SPIN1: variants seen among roughly 807,000 people sequenced by gnomAD.
SPIN1 encodes the protein spindlin-1.
SPIN1 carries 3 observed loss-of-function variants against 26.0 expected under a neutral mutation model. The observed-to-expected ratio is 0.12, with a 90% CI of 0.05 to 0.30. The LOEUF (loss-of-function observed/expected upper bound fraction) is 0.30, where lower values mean the gene tolerates loss of function less well. SPIN1 is among the 10% of genes least tolerant of loss of function. The pLI is 1.00. For missense variants in SPIN1, 126 were observed against 333.4 expected (o/e 0.38, Z 4.84); for synonymous variants, 101 against 116.5 (o/e 0.87, Z 0.86).
Position 88,463,066 on chromosome 9 carries a change from A to G in SPIN1, c.355+317A>G, listed in dbSNP as rs192848975. On this transcript the variant is annotated intron_variant, in intron 4 of 5. Transcript: ENST00000375859. ...AGGTTATCAGTAGCTGAAATATCCTATATGTTAATCTCATCTCATCAGATA... is the reference window on the plus strand; with the variant it reads ...AGGTTATCAGTAGCTGAAATATCCTGTATGTTAATCTCATCTCATCAGATA... 5.8e-4 allele frequency among the ~76,000 whole-genome samples: 88 copies of G among 152,212 alleles called. 1 individual carries two copies. Among genetic ancestry groups the G allele is most frequent in the African/African-American group, 2.0e-3 (85 of 41,568 alleles).
At chr9:88,406,128 C>T (rs906652816) in intron 1 of SPIN1, among the ~76,000 whole-genome samples, 3 of 151,856 alleles carry the variant, frequency 2.0e-5, no homozygotes, top group Admixed American at 6.6e-5. Flanking sequence ...ACCTTGGCCT[C>T]CCAGAGTGCT....
At chr9:88,423,857 C>G (rs1250091738) in intron 1 of SPIN1, among the ~76,000 whole-genome samples, 3 of 151,994 alleles carry the variant, frequency 2.0e-5, no homozygotes, top group Non-Finnish European at 4.4e-5. Flanking sequence ...CCTCTGCCTC[C>G]TGGGTTCAAG....
chr9:88,478,661 C>A lies in SPIN1; in HGVS notation c.*3384C>A. 6.6e-6 allele frequency: 1 copy of A among 152,218 alleles called. No individual in the cohort carries two copies. Among genetic ancestry groups the A allele is most frequent in the Middle Eastern group, 3.4e-3 (1 of 294 alleles). The allele number at this position is 152,218 out of a possible 1,614,324, so 9.4% of individuals were successfully genotyped here. ...AATTATGATGTAACTCTATCTTATC[C>A]TTAAAACATTTAAAATAAACCCTTT... On this transcript the variant is annotated 3_prime_UTR_variant, in exon 6 of 6. Transcript: ENST00000375859.
chr9:88,413,350 A>G (rs958919606), intron 1 of SPIN1, among the ~76,000 whole-genome samples: 3 of 149,648 alleles, frequency 2.0e-5, no homozygotes, highest in African/African-American at 7.4e-5. Flanking sequence ...TTGGGATTAC[A>G]GGTGTGAGCC....
At chr9:88,411,223 G>C in intron 1 of SPIN1, 4 of 1,177,014 alleles carry the variant, frequency 3.4e-6, no homozygotes, top group Non-Finnish European at 5.0e-6. Context: ...CAAGTCTTCT[G>C]TTCACCTTGT....
At position 88,475,343 on chromosome 9, in the gene SPIN1, T is replaced by A; in HGVS notation, c.*66T>A. On this transcript the variant is annotated 3_prime_UTR_variant, in exon 6 of 6. Coordinates refer to ENST00000375859, the MANE Select transcript of SPIN1 (RefSeq NM_006717.3). Reference sequence around the variant, plus strand: ...TGTATTATTTGTAGACATAAAGACTTGATTGCTTTCCAGTTTAATGAAAGC... The same window carrying A: ...TGTATTATTTGTAGACATAAAGACTAGATTGCTTTCCAGTTTAATGAAAGC... 1 of 1,512,046 alleles carries A rather than the reference T, an allele frequency of 6.6e-7. No homozygotes were observed. Among genetic ancestry groups the A allele is most frequent in the Non-Finnish European group, 9.1e-7 (1 of 1,103,870 alleles). The allele number at this position is 1,512,046 out of a possible 1,614,324, so 93.7% of individuals were successfully genotyped here. A position where few individuals can be genotyped will look rare whatever the true frequency, so the allele number is the denominator to read the frequency against.
intron 2 of SPIN1, among the ~76,000 whole-genome samples, chr9:88,433,062 T>C (rs993748212): frequency 2.0e-5 from 3 of 151,928 alleles, no homozygotes; most frequent in Non-Finnish European, 4.4e-5. Context: ...AAGTAGCTTA[T>C]GTTTCTGGGG....
chr9:88,408,271 C>G (rs548070370), intron 1 of SPIN1, among the ~76,000 whole-genome samples: 150 of 148,896 alleles, frequency 1.0e-3, no homozygotes, highest in Non-Finnish European at 1.8e-3. Context: ...CCCCCTCCCC[C>G]CACCTTCTGA....
At chr9:88,435,950 G>T (rs1452616010) in intron 2 of SPIN1, among the ~76,000 whole-genome samples, 1 of 152,156 alleles carries the variant, frequency 6.6e-6, no homozygotes. Context: ...TTCCAAAGAA[G>T]ATGTGTATGA....
At chr9:88,395,049 C>T (rs964389347) in intron 1 of SPIN1, among the ~76,000 whole-genome samples, 11 of 151,928 alleles carry the variant, frequency 7.2e-5, no homozygotes, top group African/African-American at 2.4e-4. Context: ...ACCTCGTGAT[C>T]TGTCCGCCTC....
intron 2 of SPIN1, among the ~76,000 whole-genome samples, chr9:88,440,328 T>A (rs184353776): frequency 0.012 from 1,884 of 151,660 alleles, 20 homozygotes; most frequent in Non-Finnish European, 0.019. Flanking sequence ...ATTTTTTTTT[T>A]AATTTTTAAA....
At chr9:88,395,836 C>G (rs1827040424) in intron 1 of SPIN1, among the ~76,000 whole-genome samples, 1 of 151,546 alleles carries the variant, frequency 6.6e-6, no homozygotes, top group South Asian at 2.1e-4. Context: ...ATCATGAGGT[C>G]AGGAGTTCAA....
rs1431485810 is a variant in SPIN1, at chr9:88,475,174, C to T, written c.686C>T (p.Thr229Ile). Residue 229 changes from threonine to isoleucine, a missense_variant, in exon 6 of 6, where the codon ACT becomes ATT. By Grantham distance (89) the Thr-to-Ile change is moderately conservative (BLOSUM62 -1). This residue lies in a region of SPIN1 where 29 missense variants were observed against 72.0 expected (regional missense o/e 0.40). Coordinates refer to ENST00000375859, the MANE Select transcript of SPIN1 (RefSeq NM_006717.3). ...EYAKEDGSKR[T>I]GMVIHQVEAK... ...GCCAAAGAAGATGGCTCGAAAAGGA[C>T]TGGCATGGTCATTCATCAAGTAGAA... is the stretch of plus-strand genomic sequence containing the variant. 5 of 1,612,300 alleles carry T rather than the reference C, an allele frequency of 3.1e-6. No individual in the cohort carries two copies. Among genetic ancestry groups the T allele is most frequent in the African/African-American group, 1.3e-5 (1 of 74,516 alleles).
intron 3 of SPIN1, among the ~76,000 whole-genome samples, chr9:88,452,299 T>G (rs1252971637): frequency 2.0e-5 from 3 of 152,192 alleles, no homozygotes; most frequent in Non-Finnish European, 2.9e-5. Flanking sequence ...AGCTAGTAGG[T>G]GATTGAGCTA....
intron 5 of SPIN1, among the ~76,000 whole-genome samples, chr9:88,471,549 G>A (rs1828785531): frequency 6.6e-6 from 1 of 150,748 alleles, no homozygotes. Context: ...CAGCTACTCG[G>A]GAGGCTGAGG....
chr9:88,445,315 T>C (rs1828223686), intron 2 of SPIN1, among the ~76,000 whole-genome samples: 1 of 152,098 alleles, frequency 6.6e-6, no homozygotes, highest in South Asian at 2.1e-4. Context: ...GTGTCTTGTC[T>C]TCACTATTTG....
At chr9:88,413,550 AT>A (rs1005389758) in intron 1 of SPIN1, among the ~76,000 whole-genome samples, 4 of 148,164 alleles carry the variant, frequency 2.7e-5, no homozygotes, top group African/African-American at 1.0e-4. Flanking sequence ...CACCTGGCTA[AT>A]TTTTTTTAGT....
At chr9:88,390,699 G>A (rs551639593) in intron 1 of SPIN1, among the ~76,000 whole-genome samples, 67 of 152,264 alleles carry the variant, frequency 4.4e-4, no homozygotes, top group Middle Eastern at 3.4e-3. Flanking sequence ...ATTTTGTTCA[G>A]TTTAGAAGAT....
intron 4 of SPIN1, among the ~76,000 whole-genome samples, chr9:88,464,694 C>G (rs2118199550): frequency 6.6e-6 from 1 of 152,226 alleles, no homozygotes; most frequent in South Asian, 2.1e-4. Context: ...GTGCATGGTA[C>G]CACATCATGC....
Sources: allele counts gnomAD v4.1 joint callset (sites outside exome capture counted in the v4.1 genomes callset), GRCh38; gene constraint gnomAD v4.1.1; regional missense constraint gnomAD v4.1.1; transcripts MANE v1.5; gene names NCBI Gene and HGNC (gene_info 2026-07-23, HGNC 2026-07-21).